Variants in GPR158 observed in about 807,000 individuals in gnomAD.
GPR158 encodes G protein-coupled receptor 158, also known as metabotropic glycine receptor.
Under a neutral mutation model 78.2 loss-of-function variants are expected in GPR158, and 30 were observed. The observed-to-expected ratio is 0.38, with a 90% CI of 0.29 to 0.52. GPR158 has a LOEUF of 0.52. Among genes scored for constraint, GPR158 ranks in the 20% least tolerant of loss-of-function variants. The pLI is 0.83. For missense variants in GPR158, 1,463 were observed against 1,523.5 expected (o/e 0.96, Z 0.66); for synonymous variants, 581 against 591.1 (o/e 0.98, Z 0.25).
intron 5 of GPR158, among the ~76,000 whole-genome samples, chr10:25,505,012 C>A (rs956855256): frequency 1.7e-4 from 26 of 152,154 alleles, no homozygotes; most frequent in Non-Finnish European, 3.5e-4. Flanking sequence ...CTTTATATTC[C>A]TCACTTTTCT....
chr10:25,316,468 T>C (rs753144037), intron 2 of GPR158, among the ~76,000 whole-genome samples: 2 of 152,244 alleles, frequency 1.3e-5, no homozygotes, highest in Non-Finnish European at 2.9e-5. Context: ...GTGTTTTTGT[T>C]TGTTTGTAAC....
intron 6 of GPR158, among the ~76,000 whole-genome samples, chr10:25,558,770 A>AT (rs1479827181): frequency 1.3e-5 from 2 of 152,262 alleles, no homozygotes; most frequent in South Asian, 2.1e-4. Context: ...TAGAAGTGTG[A>AT]TTTTTTATTT....
chr10:25,190,757 A>C lies in GPR158; in HGVS notation c.902+14435A>C, dbSNP rs1364658932. Among the ~76,000 whole-genome samples, 3 of 152,342 alleles carry C rather than the reference A, an allele frequency of 2.0e-5. No individual in the cohort carries two copies. The East Asian group carries it at 5.8e-4, about 29-fold the overall frequency. ...GAAAACAAAAACAAACAGTGACCAC[A>C]TGATAAAAAAGAATGTTTAAGCTTC... On this transcript the variant is annotated intron_variant, in intron 1 of 10. Coordinates refer to ENST00000376351, the MANE Select transcript of GPR158 (RefSeq NM_020752.3).
rs1478954276 is a variant in GPR158, at chr10:25,411,927, C to CCG, written c.1112-323_1112-322insCG. ...CCAGCCTGGGCGACAGAGCGAGACT[C>CCG]TATCACAAAAAAAAAAAAAAAAAAA... On this transcript the variant is annotated intron_variant, in intron 3 of 10. Transcript: ENST00000376351. 2.3e-4 allele frequency among the ~76,000 whole-genome samples: 19 copies of CCG among 82,542 alleles called. 1 individual carries two copies. Among genetic ancestry groups the CCG allele is most frequent in the African/African-American group, 9.2e-4 (18 of 19,580 alleles). 54.2% of individuals were successfully genotyped at this position (82,542 alleles called of 152,430 possible).
chr10:25,321,286 A>G (rs1392570234), intron 2 of GPR158, among the ~76,000 whole-genome samples: 2 of 152,212 alleles, frequency 1.3e-5, no homozygotes, highest in East Asian at 1.9e-4. Context: ...ACATTACAAT[A>G]TGAAAGCATC....
At chr10:25,358,294 C>A (rs1238102519) in intron 2 of GPR158, among the ~76,000 whole-genome samples, 2 of 151,952 alleles carry the variant, frequency 1.3e-5, no homozygotes, top group African/African-American at 4.8e-5. Context: ...TGATTTGAGA[C>A]TTTGGGGGAC....
intron 2 of GPR158, among the ~76,000 whole-genome samples, chr10:25,295,564 C>T (rs1854499345): frequency 2.0e-5 from 3 of 152,114 alleles, no homozygotes; most frequent in Admixed American, 2.0e-4. Flanking sequence ...CAGGCGCCCG[C>T]CACTACGCCC....
intron 4 of GPR158, among the ~76,000 whole-genome samples, chr10:25,448,870 T>C (rs1342886645): frequency 6.6e-6 from 1 of 152,198 alleles, no homozygotes; most frequent in African/African-American, 2.4e-5. Context: ...TTATTCTATA[T>C]TGTAAGGCAA....
At chr10:25,232,148 A>C (rs974180456) in intron 2 of GPR158, among the ~76,000 whole-genome samples, 2 of 152,166 alleles carry the variant, frequency 1.3e-5, no homozygotes, top group Non-Finnish European at 2.9e-5. Flanking sequence ...AAACCTACCT[A>C]TTAAACCTTT....
chr10:25,370,120 T>A (rs1833963550), intron 2 of GPR158, among the ~76,000 whole-genome samples: 1 of 116,812 alleles, frequency 8.6e-6, no homozygotes, highest in South Asian at 2.8e-4. Context: ...AAAAACCAGC[T>A]CCTGGATTCG....
At chr10:25,500,429 T>G (rs1457075793) in intron 5 of GPR158, among the ~76,000 whole-genome samples, 1 of 152,222 alleles carries the variant, frequency 6.6e-6, no homozygotes, top group Non-Finnish European at 1.5e-5. Flanking sequence ...TTCCTGGGGA[T>G]TACTACGTGC....
intron 2 of GPR158, among the ~76,000 whole-genome samples, chr10:25,263,893 TG>T (rs1854003884): frequency 6.6e-6 from 1 of 152,182 alleles, no homozygotes; most frequent in Non-Finnish European, 1.5e-5. Flanking sequence ...GCTGATACAG[TG>T]CCACTGCACT....
At chr10:25,332,117 G>T (rs879659549) in intron 2 of GPR158, among the ~76,000 whole-genome samples, 6 of 152,024 alleles carry the variant, frequency 3.9e-5, no homozygotes, top group South Asian at 2.1e-4. Flanking sequence ...AATCACCTGG[G>T]GGGGGGCGAA....
At chr10:25,583,086 G>C (rs1426439952) in intron 7 of GPR158, among the ~76,000 whole-genome samples, 1 of 152,212 alleles carries the variant, frequency 6.6e-6, no homozygotes, top group African/African-American at 2.4e-5. Context: ...AGTGCAGCTG[G>C]AGAACGGAGG....
intron 3 of GPR158, among the ~76,000 whole-genome samples, chr10:25,403,247 T>C (rs746486463): frequency 6.6e-6 from 1 of 152,032 alleles, no homozygotes. Flanking sequence ...GTTTTATGTT[T>C]TTTTCTTGTC....
At chr10:25,312,268 A>G (rs929300900) in intron 2 of GPR158, among the ~76,000 whole-genome samples, 2 of 152,022 alleles carry the variant, frequency 1.3e-5, no homozygotes, top group Non-Finnish European at 2.9e-5. Flanking sequence ...ACTTTGTTAT[A>G]TATATATCAG....
chr10:25,280,717 A>G (rs1854256466), intron 2 of GPR158, among the ~76,000 whole-genome samples: 1 of 152,074 alleles, frequency 6.6e-6, no homozygotes, highest in Non-Finnish European at 1.5e-5. Context: ...TTATGTATGT[A>G]TGTATGTATG....
chr10:25,180,659 T>C (rs1479011064), intron 1 of GPR158, among the ~76,000 whole-genome samples: 1 of 152,236 alleles, frequency 6.6e-6, no homozygotes, highest in African/African-American at 2.4e-5. Flanking sequence ...AATACCTGTC[T>C]GGAAATCAGT....
At chr10:25,297,286 G>T (rs1044474299) in intron 2 of GPR158, among the ~76,000 whole-genome samples, 3 of 152,180 alleles carry the variant, frequency 2.0e-5, no homozygotes, top group African/African-American at 7.2e-5. Flanking sequence ...TGAGAAGTTT[G>T]GTCCAGGAGA....
Sources: gnomAD v4.1 joint callset for allele counts (sites outside exome capture counted in the v4.1 genomes callset) on GRCh38, gnomAD v4.1.1 for gene constraint, MANE v1.5 for transcripts, NCBI Gene and HGNC (gene_info 2026-07-23, HGNC 2026-07-21) for gene names.